Variants in NCMAP observed in about 807,000 individuals in gnomAD.
NCMAP encodes noncompact myelin-associated protein.
NCMAP carries 8 observed loss-of-function variants against 7.8 expected under a neutral mutation model. The observed-to-expected ratio is 1.02, with a 90% CI of 0.60 to 1.84. The LOEUF is 1.84. Ranked by LOEUF, NCMAP falls within the 40% of genes most tolerant of loss-of-function variation. The pLI, the probability that NCMAP is intolerant of heterozygous loss-of-function variation, is 0.00. For missense variants in NCMAP, 112 were observed against 131.4 expected (o/e 0.85, Z 0.72); for synonymous variants, 41 against 52.9 (o/e 0.78, Z 0.98).
intron 1 of NCMAP, among the ~76,000 whole-genome samples, chr1:24,578,225 C>T (rs1651642866): frequency 6.9e-6 from 1 of 144,264 alleles, no homozygotes; most frequent in Non-Finnish European, 1.5e-5. Context: ...CATTGCACTC[C>T]AGCCTGTGGG....
rs537845843 is a variant in NCMAP at position 24,567,862 on chromosome 1, T to C, written c.-8+11693T>C. Among the ~76,000 whole-genome samples, 13 of 152,070 alleles carry C rather than the reference T, an allele frequency of 8.5e-5. No individual in the cohort carries two copies. In the South Asian group the frequency reaches 2.7e-3, roughly 32 times the overall value. Reference sequence around the variant, plus strand: ...GGAGTATGTGGGTGCCCAGGTGGGATGGGAGAGGAGGCAGGAGAGAGGTGG... The same window carrying C: ...GGAGTATGTGGGTGCCCAGGTGGGACGGGAGAGGAGGCAGGAGAGAGGTGG... On this transcript the variant is annotated intron_variant, in intron 1 of 3. Coordinates refer to ENST00000374392, the MANE Select transcript of NCMAP (RefSeq NM_001010980.5).
At chr1:24,598,630 CT>C (rs57179814) in intron 2 of NCMAP, among the ~76,000 whole-genome samples, 4 of 148,236 alleles carry the variant, frequency 2.7e-5, no homozygotes, top group South Asian at 2.1e-4. Context: ...TCTTTTCTTT[CT>C]TTTTTTTTTC....
intron 1 of NCMAP, among the ~76,000 whole-genome samples, chr1:24,586,143 G>A (rs887683215): frequency 6.6e-6 from 1 of 152,148 alleles, no homozygotes; most frequent in African/African-American, 2.4e-5. Context: ...ATGAAAGAGC[G>A]GCTCAGTTTA....
At chr1:24,583,402 AAC>A (rs1651793749) in intron 1 of NCMAP, among the ~76,000 whole-genome samples, 1 of 152,122 alleles carries the variant, frequency 6.6e-6, no homozygotes, top group African/African-American at 2.4e-5. Flanking sequence ...TCAAAATATC[AAC>A]AGGTAGAAAG....
chr1:24,564,145 A>G (rs1314903703), intron 1 of NCMAP, among the ~76,000 whole-genome samples: 4 of 152,192 alleles, frequency 2.6e-5, no homozygotes, highest in African/African-American at 7.2e-5. Flanking sequence ...TTGCGAGTAG[A>G]TAGGATGATC....
Position 24,605,728 on chromosome 1 carries a change from T to A in NCMAP, c.290T>A (p.Val97Asp). The change falls in exon 4 of 4, where the codon GTC becomes GAC. Residue 97 changes from valine (V) to aspartate (D), a missense_variant. Coordinates refer to ENST00000374392, the MANE Select transcript of NCMAP (RefSeq NM_001010980.5). ...ACTGTGACCTTCAGTCCTGTTGACG[T>A]CCAGGTGGAGACGCGATGACCTCTA... is the stretch of plus-strand genomic sequence containing the variant. ...PATVTFSPVD[V>D]QVETR The A allele has an allele frequency of 6.2e-7, 1 of 1,614,110 alleles. No homozygotes were observed. The highest frequency in any genetic ancestry group is 8.5e-7 in the Non-Finnish European group (1 of 1,180,018).
At chr1:24,574,950 A>T (rs1188875435) in intron 1 of NCMAP, among the ~76,000 whole-genome samples, 2 of 151,398 alleles carry the variant, frequency 1.3e-5, no homozygotes, top group African/African-American at 4.9e-5. Flanking sequence ...CACCACCATC[A>T]TGCCTGGCTA....
At chr1:24,560,624 G>A (rs1417346315) in intron 1 of NCMAP, among the ~76,000 whole-genome samples, 1 of 152,046 alleles carries the variant, frequency 6.6e-6, no homozygotes, top group Non-Finnish European at 1.5e-5. Context: ...TGCACCTGTG[G>A]TCCCAGCTCC....
intron 1 of NCMAP, among the ~76,000 whole-genome samples, chr1:24,592,271 G>A (rs1027867668): frequency 6.6e-6 from 1 of 152,114 alleles, no homozygotes; most frequent in Non-Finnish European, 1.5e-5. Flanking sequence ...TGTTTTTTGA[G>A]CCCCAGAATC....
At chr1:24,577,921 T>C (rs1651633487) in intron 1 of NCMAP, among the ~76,000 whole-genome samples, 1 of 152,110 alleles carries the variant, frequency 6.6e-6, no homozygotes, top group Non-Finnish European at 1.5e-5. Context: ...TTCTTGCTGC[T>C]GCTGTTGCGC....
chr1:24,599,572 G>A (rs902757377), intron 2 of NCMAP, among the ~76,000 whole-genome samples: 2 of 151,970 alleles, frequency 1.3e-5, no homozygotes, highest in African/African-American at 4.8e-5. Context: ...GTGAAACATG[G>A]CTCCTTTTTT....
At chr1:24,603,500 A>C (rs1652581031) in intron 3 of NCMAP, among the ~76,000 whole-genome samples, 1 of 152,078 alleles carries the variant, frequency 6.6e-6, no homozygotes, top group Admixed American at 6.6e-5. Flanking sequence ...TCGTAATCTG[A>C]ATGGAGAATC....
intron 3 of NCMAP, among the ~76,000 whole-genome samples, chr1:24,603,179 C>A (rs1428176201): frequency 6.6e-6 from 1 of 152,072 alleles, no homozygotes; most frequent in Non-Finnish European, 1.5e-5. Flanking sequence ...CATCTAACAA[C>A]CGCACGAGGT....
At chr1:24,563,084 G>A (rs1462361126) in intron 1 of NCMAP, among the ~76,000 whole-genome samples, 3 of 152,246 alleles carry the variant, frequency 2.0e-5, no homozygotes, top group Non-Finnish European at 4.4e-5. Context: ...CAGAATTACC[G>A]AAGCAGATGG....
intron 1 of NCMAP, among the ~76,000 whole-genome samples, chr1:24,564,523 A>C (rs1005968007): frequency 1.1e-4 from 16 of 148,542 alleles, no homozygotes; most frequent in Admixed American, 2.1e-4. Flanking sequence ...CAAAAAAAAA[A>C]AAAAAAAAAC....
chr1:24,603,394 A>G (rs987599249), intron 3 of NCMAP, among the ~76,000 whole-genome samples: 1 of 152,210 alleles, frequency 6.6e-6, no homozygotes, highest in African/African-American at 2.4e-5. Context: ...GGATATTACA[A>G]TTTGGGTCTA....
At position 24,605,929 on chromosome 1, in the gene NCMAP, T is replaced by G; in HGVS notation, c.*182T>G. The stretch of plus-strand genomic sequence containing the variant: ...CTTGTCTGCCCTGCCCTACCCCAAC[T>G]GTGTCCACATCCCTGCCGCCACCCC... On this transcript the variant is annotated 3_prime_UTR_variant, in exon 4 of 4. Coordinates refer to ENST00000374392, the MANE Select transcript of NCMAP (RefSeq NM_001010980.5). 1.5e-6 allele frequency: 1 copy of G among 651,780 alleles called. No individual in the cohort carries two copies. Among genetic ancestry groups the G allele is most frequent in the Non-Finnish European group, 2.5e-6 (1 of 395,226 alleles). The allele number at this position is 651,780 out of a possible 1,614,324, so 40.4% of individuals were successfully genotyped here.
intron 2 of NCMAP, among the ~76,000 whole-genome samples, chr1:24,599,257 G>A (rs1455266345): frequency 2.9e-5 from 4 of 137,304 alleles, no homozygotes; most frequent in Non-Finnish European, 4.6e-5. Flanking sequence ...TCCAGCCTGG[G>A]CAACAAGAGT....
intron 1 of NCMAP, among the ~76,000 whole-genome samples, chr1:24,568,917 C>A (rs1416524313): frequency 6.6e-6 from 1 of 152,120 alleles, no homozygotes; most frequent in African/African-American, 2.4e-5. Context: ...GTCACCATAC[C>A]CGGCTCATAA....
Sources: allele counts gnomAD v4.1 joint callset (sites outside exome capture counted in the v4.1 genomes callset), GRCh38; gene constraint gnomAD v4.1.1; transcripts MANE v1.5; gene names NCBI Gene and HGNC (gene_info 2026-07-23, HGNC 2026-07-21).